Variants in MMD2 observed in about 807,000 individuals in gnomAD.
MMD2 encodes the protein monocyte to macrophage differentiation associated 2.
Under a neutral mutation model 33.5 loss-of-function variants are expected in MMD2, and 30 were observed. The observed-to-expected ratio is 0.90, with a 90% confidence interval of 0.67 to 1.22. The LOEUF is 1.22. MMD2 is among the 50% of genes most tolerant of loss of function. The pLI is 0.00. For missense variants in MMD2, 364 were observed against 325.4 expected, an observed-to-expected ratio of 1.12 and a Z score of -0.91; for synonymous variants, 129 against 123.0, an observed-to-expected ratio of 1.05 and a Z score of -0.32.
downstream of MMD2, among the ~76,000 whole-genome samples, chr7:4,901,789 C>T (rs58015583): frequency 6.6e-6 from 1 of 152,196 alleles, no homozygotes; most frequent in Non-Finnish European, 1.5e-5. Context: ...GTGGCGGAGC[C>T]GGGGGAGCCT....
rs949596792 is a variant in MMD2, at chr7:4,946,974, G to A, written c.47+11997C>T. 1.3e-5 allele frequency among the ~76,000 whole-genome samples: 2 copies of A among 152,122 alleles called. No individual in the cohort carries two copies. Among genetic ancestry groups the A allele is most frequent in the South Asian group, 4.1e-4 (2 of 4,824 alleles). The stretch of plus-strand genomic sequence containing the variant: ...TGTAATCCCAGCACTTTGGGAGACC[G>A]AGATGGGCCGATCACCTGAGGTCAG... On this transcript the variant is annotated intron_variant, in intron 1 of 6. Coordinates refer to ENST00000401401, the MANE Select transcript of MMD2 (RefSeq NM_198403.4). This position sits in a 1 kb window ranked among gnomAD's most constrained non-coding sequence, Gnocchi z 5.0.
At chr7:4,907,674 C>T in intron 6 of MMD2, 75 bp from the exon 7 acceptor site, 1 of 1,470,184 alleles carries the variant, frequency 6.8e-7, no homozygotes, top group Non-Finnish European at 9.4e-7. Context: ...CCAGTCCCCA[C>T]CACCCAAAAC....
the MMD2 span, among the ~76,000 whole-genome samples, chr7:4,892,674 A>C: frequency 6.6e-6 from 1 of 151,952 alleles, no homozygotes; most frequent in Non-Finnish European, 1.5e-5. Context: ...GAACATACTA[A>C]GAGTGTTGAT....
downstream of MMD2, among the ~76,000 whole-genome samples, chr7:4,903,570 G>A (rs1040484775): frequency 6.6e-6 from 1 of 152,220 alleles, no homozygotes; most frequent in African/African-American, 2.4e-5. Flanking sequence ...TGTCGACCCT[G>A]GGGACAGCCC....
the MMD2 span, among the ~76,000 whole-genome samples, chr7:4,895,913 C>G: frequency 1.7e-4 from 26 of 152,100 alleles, no homozygotes. Flanking sequence ...AAATTCTAAG[C>G]CTGTTTAGCG....
chr7:4,901,200 G>A (rs892039467), downstream of MMD2, among the ~76,000 whole-genome samples: 1 of 151,520 alleles, frequency 6.6e-6, no homozygotes, highest in African/African-American at 2.4e-5. Flanking sequence ...CACCACCTTG[G>A]GAGGCCAAGG....
intron 5 of MMD2, 32 bp downstream of exon 5, chr7:4,911,113 C>A (rs1181210030): frequency 3.9e-6 from 6 of 1,526,570 alleles, no homozygotes; most frequent in Non-Finnish European, 5.3e-6. Context: ...TAAGGGAATC[C>A]CGCCTCCCTG....
intron 1 of MMD2, among the ~76,000 whole-genome samples, chr7:4,948,275 C>G (rs1169843122): frequency 1.3e-5 from 2 of 152,144 alleles, no homozygotes; most frequent in African/African-American, 4.8e-5. Context: ...ACCTGTCATC[C>G]CAGCACTTTG....
At chr7:4,912,056 C>G (rs901001216) in intron 4 of MMD2, among the ~76,000 whole-genome samples, 1 of 151,914 alleles carries the variant, frequency 6.6e-6, no homozygotes, top group Admixed American at 6.6e-5. Flanking sequence ...GAGCCATGAT[C>G]CCACCACTGC....
At chr7:4,929,297 G>C (rs1785511901) in intron 1 of MMD2, among the ~76,000 whole-genome samples, 1 of 152,118 alleles carries the variant, frequency 6.6e-6, no homozygotes, top group South Asian at 2.1e-4. Context: ...GCAAGCCAGA[G>C]AGACACCAAC....
chr7:4,908,544 T>C (rs1481941021), intron 6 of MMD2, among the ~76,000 whole-genome samples: 1 of 152,128 alleles, frequency 6.6e-6, no homozygotes, highest in African/African-American at 2.4e-5. Flanking sequence ...CATAGCAGTA[T>C]AATCACAACA....
chr7:4,944,760 C>CTTTTTTTTTTTTTT (rs142716643), intron 1 of MMD2, among the ~76,000 whole-genome samples: 5 of 75,276 alleles, frequency 6.6e-5, no homozygotes, highest in African/African-American at 1.2e-4. Flanking sequence ...TCTTCTTCTT[C>CTTTTTTTTTTTTTT]TTTTTTTTTT....
chr7:4,957,716 C>T (rs922394417), intron 1 of MMD2, among the ~76,000 whole-genome samples: 8 of 152,048 alleles, frequency 5.3e-5, no homozygotes, highest in African/African-American at 1.2e-4. Context: ...TCCGCAGGAA[C>T]TTATCCTCAA....
intron 1 of MMD2, among the ~76,000 whole-genome samples, chr7:4,952,387 T>C (rs1360470456): frequency 6.6e-6 from 1 of 152,182 alleles, no homozygotes; most frequent in African/African-American, 2.4e-5. Flanking sequence ...TATTTCTCCC[T>C]GCATATTGGT....
chr7:4,922,641 C>G (rs955451107), intron 2 of MMD2, among the ~76,000 whole-genome samples: 4 of 152,126 alleles, frequency 2.6e-5, no homozygotes, highest in African/African-American at 9.7e-5. Context: ...GTGGTACAAT[C>G]ATAGCTCACT....
intron 1 of MMD2, among the ~76,000 whole-genome samples, chr7:4,945,636 G>A (rs1396144662): frequency 3.3e-5 from 5 of 151,416 alleles, no homozygotes; most frequent in East Asian, 1.9e-4. Context: ...ATGCAGTGGC[G>A]CAATCTTGGC....
intron 2 of MMD2, among the ~76,000 whole-genome samples, chr7:4,922,603 C>T (rs375437267): frequency 1.7e-3 from 259 of 152,124 alleles, no homozygotes; most frequent in African/African-American, 5.8e-3. Flanking sequence ...GAGATGGAAT[C>T]GCTCTCTGTT....
chr7:4,895,978 C>A, the MMD2 span, among the ~76,000 whole-genome samples: 3 of 152,124 alleles, frequency 2.0e-5, no homozygotes, highest in Non-Finnish European at 4.4e-5. Context: ...CCACGTTTTC[C>A]CATCACTCCT....
chr7:4,914,059 C>T (rs1785081485), intron 4 of MMD2, among the ~76,000 whole-genome samples: 3 of 152,162 alleles, frequency 2.0e-5, no homozygotes. Flanking sequence ...AATCATAGCT[C>T]ACTGCAGCCT....
Sources: gnomAD v4.1 joint callset for allele counts (sites outside exome capture counted in the v4.1 genomes callset) on GRCh38, gnomAD v4.1.1 for gene constraint, Gnocchi (gnomAD v3.1) non-coding constraint, MANE v1.5 for transcripts, NCBI Gene and HGNC (gene_info 2026-07-23, HGNC 2026-07-21) for gene names.